Variants in DLGAP1 observed in about 807,000 individuals in gnomAD.
DLGAP1 encodes disks large-associated protein 1.
In DLGAP1, 11 loss-of-function variants were observed where a neutral mutation model predicts 90.8. The ratio of observed to expected loss-of-function variants is 0.12; its 90% CI spans 0.08 to 0.20. The LOEUF (loss-of-function observed/expected upper bound fraction) is 0.20. Ranked by LOEUF, DLGAP1 falls within the 10% of genes least tolerant of loss-of-function variation. The probability of loss-of-function intolerance (pLI) is 1.00; values close to 1 mark genes in which losing one functional copy is unlikely to be tolerated. For synonymous variants in DLGAP1, 558 were observed against 540.7 expected (o/e 1.03, Z -0.44); for missense variants, 1,050 against 1,333.8 (o/e 0.79, Z 3.31).
At chr18:4,246,584 C>A (rs994885195) in intron 1 of DLGAP1, among the ~76,000 whole-genome samples, 1 of 152,140 alleles carries the variant, frequency 6.6e-6, no homozygotes, top group African/African-American at 2.4e-5. Context: ...CAGTGTCAAA[C>A]CCCAGGGTGA....
intron 2 of DLGAP1, among the ~76,000 whole-genome samples, chr18:4,148,009 T>C (rs953019510): frequency 6.6e-6 from 1 of 152,220 alleles, no homozygotes; most frequent in Admixed American, 6.5e-5. Flanking sequence ...AATACAGTTA[T>C]GTGTTCTTAG....
intron 7 of DLGAP1, among the ~76,000 whole-genome samples, chr18:3,715,303 C>T (rs1345845658): frequency 1.3e-5 from 2 of 152,120 alleles, no homozygotes; most frequent in African/African-American, 2.4e-5. Context: ...AAAGGGAAGG[C>T]AAAGGAAAAG....
At chr18:4,024,464 C>T (rs372628729) in intron 2 of DLGAP1, among the ~76,000 whole-genome samples, 6 of 152,136 alleles carry the variant, frequency 3.9e-5, no homozygotes, top group South Asian at 2.1e-4. Flanking sequence ...TGCTTTTTCA[C>T]GGAAACTGGC....
At chr18:3,508,002 G>C (rs2050340228) in intron 11 of DLGAP1, among the ~76,000 whole-genome samples, 2 of 152,348 alleles carry the variant, frequency 1.3e-5, no homozygotes, top group South Asian at 4.1e-4. Context: ...CTCCCAAAGT[G>C]CTGGGATTAC....
At position 4,306,428 on chromosome 18, in the gene DLGAP1, T is replaced by A. The variant is rs1279203667; in HGVS notation, c.-267+148578A>T. Among the ~76,000 whole-genome samples, 4 of 12,316 alleles carry A rather than the reference T, an allele frequency of 3.2e-4. 1 individual carries two copies. The South Asian group carries it at 0.025, about 78-fold the overall frequency. The allele number at this position is 12,316 out of a possible 152,430, so 8.1% of individuals were successfully genotyped here. A position where few individuals can be genotyped will look rare whatever the true frequency, so the allele number is the denominator to read the frequency against. ...AGAATAAAAAAAGAGAAAGTAAGAG[T>A]GTGTGTGTGTGTGTGTGTGTGTGTG... On this transcript the variant is annotated intron_variant, in intron 1 of 12. Coordinates refer to ENST00000315677, the MANE Select transcript of DLGAP1 (RefSeq NM_004746.4).
chr18:3,656,099 T>A, intron 7 of DLGAP1: 2 of 1,546,742 alleles, frequency 1.3e-6, no homozygotes. Flanking sequence ...ACTGCAGAAC[T>A]CAGTTTTATG....
chr18:4,316,603 G>A (rs2080533961), intron 1 of DLGAP1, among the ~76,000 whole-genome samples: 2 of 152,150 alleles, frequency 1.3e-5, no homozygotes, highest in Admixed American at 1.3e-4. Context: ...AACAATGATG[G>A]AGGCCTCTGA....
At chr18:3,807,852 G>C (rs1458183209) in intron 5 of DLGAP1, among the ~76,000 whole-genome samples, 1 of 152,182 alleles carries the variant, frequency 6.6e-6, no homozygotes, top group East Asian at 1.9e-4. Context: ...CACACAAGGA[G>C]TTCTCTCCTC....
At chr18:3,926,898 G>A (rs953280471) in intron 3 of DLGAP1, among the ~76,000 whole-genome samples, 1 of 152,056 alleles carries the variant, frequency 6.6e-6, no homozygotes, top group Non-Finnish European at 1.5e-5. Context: ...CCTGTAACAT[G>A]TTATGTCAGA....
intron 2 of DLGAP1, among the ~76,000 whole-genome samples, chr18:4,075,970 G>A (rs544610505): frequency 6.6e-6 from 1 of 152,198 alleles, no homozygotes; most frequent in East Asian, 1.9e-4. Context: ...TAGCTCTAGG[G>A]CTCTTTTGCA....
intron 3 of DLGAP1, among the ~76,000 whole-genome samples, chr18:3,942,406 A>G (rs969196721): frequency 6.6e-6 from 1 of 152,194 alleles, no homozygotes; most frequent in Non-Finnish European, 1.5e-5. Context: ...CCTCTGTATT[A>G]CAGGACCTCC....
intron 5 of DLGAP1, among the ~76,000 whole-genome samples, chr18:3,785,635 A>G (rs1183834300): frequency 6.6e-6 from 1 of 152,152 alleles, no homozygotes. Context: ...TTGGATTTTG[A>G]ATGAACCTGG....
At chr18:4,241,987 T>C (rs374799866) in intron 1 of DLGAP1, among the ~76,000 whole-genome samples, 8 of 152,346 alleles carry the variant, frequency 5.3e-5, no homozygotes, top group South Asian at 2.1e-4. Context: ...CTATCCCTTA[T>C]AGTCATTTAT....
intron 1 of DLGAP1, among the ~76,000 whole-genome samples, chr18:4,361,475 A>G (rs2144102813): frequency 6.6e-6 from 1 of 152,320 alleles, no homozygotes; most frequent in African/African-American, 2.4e-5. Flanking sequence ...ATGATTTTTG[A>G]CAAGGGTGCC....
intron 9 of DLGAP1, among the ~76,000 whole-genome samples, chr18:3,538,522 G>A (rs1305477358): frequency 6.6e-6 from 1 of 152,198 alleles, no homozygotes; most frequent in Non-Finnish European, 1.5e-5. Flanking sequence ...CTTGGCTGCA[G>A]TAGGCTATTT....
At chr18:3,735,557 A>G (rs1283731062) in intron 6 of DLGAP1, among the ~76,000 whole-genome samples, 1 of 152,186 alleles carries the variant, frequency 6.6e-6, no homozygotes, top group Non-Finnish European at 1.5e-5. Flanking sequence ...TATATGGTAC[A>G]CACTCCATAA....
At chr18:4,135,387 A>G (rs567253239) in intron 2 of DLGAP1, among the ~76,000 whole-genome samples, 44 of 152,334 alleles carry the variant, frequency 2.9e-4, no homozygotes, top group Non-Finnish European at 5.4e-4. Context: ...AACATGGTCA[A>G]TAAGTCAGGT....
chr18:3,827,167 G>C (rs1353829186), intron 4 of DLGAP1, among the ~76,000 whole-genome samples: 1 of 152,056 alleles, frequency 6.6e-6, no homozygotes, highest in Non-Finnish European at 1.5e-5. Context: ...GGGGCTTCAG[G>C]GTGGCTGCAA....
At chr18:3,689,786 G>A (rs764555319) in intron 7 of DLGAP1, among the ~76,000 whole-genome samples, 26 of 152,026 alleles carry the variant, frequency 1.7e-4, no homozygotes, top group Admixed American at 5.2e-4. Context: ...AAAAATTTGT[G>A]GTTAATTTGG....
Sources: allele counts gnomAD v4.1 joint callset (sites outside exome capture counted in the v4.1 genomes callset), GRCh38; gene constraint gnomAD v4.1.1; transcripts MANE v1.5; gene names NCBI Gene and HGNC (gene_info 2026-07-23, HGNC 2026-07-21).